ARHGEF10: variants seen among roughly 807,000 people sequenced by gnomAD.
ARHGEF10 encodes the protein Rho guanine nucleotide exchange factor (GEF) 10.
ARHGEF10 carries 140 observed loss-of-function variants against 147.4 expected under a neutral mutation model. That is an observed-to-expected ratio of 0.95 (90% CI 0.83 to 1.09). ARHGEF10 has a LOEUF of 1.09. Among genes scored for constraint, ARHGEF10 ranks in the 50% least tolerant of loss-of-function variants. The pLI is 0.00. For missense variants in ARHGEF10, 2,222 were observed against 1,752.7 expected (o/e 1.27, Z -4.78); for synonymous variants, 902 against 695.8 (o/e 1.30, Z -4.67).
At chr8:1,902,121 G>GT (rs1810513569) in intron 15 of ARHGEF10, among the ~76,000 whole-genome samples, 1 of 152,086 alleles carries the variant, frequency 6.6e-6, no homozygotes, top group Admixed American at 6.5e-5. Flanking sequence ...CGTGCATTAG[G>GT]TATTTGTCTT....
Position 1,888,615 on chromosome 8 carries a change from GTT to G in ARHGEF10, c.1182+2910_1182+2911del, listed in dbSNP as rs67046767. 3.4e-5 allele frequency among the ~76,000 whole-genome samples: 4 copies of G among 119,290 alleles called. 1 individual carries two copies. The highest frequency in any genetic ancestry group is 1.1e-4 in the African/African-American group (3 of 27,228). 78.3% of individuals were successfully genotyped at this position (119,290 alleles called of 152,430 possible). A position where few individuals can be genotyped will look rare whatever the true frequency, so the allele number is the denominator to read the frequency against. On this transcript the variant is annotated intron_variant, in intron 11 of 28. Transcript: ENST00000349830. ...GTGAGGTGTCACTGAGTGTGGTGAG[GTT>G]TGTGAGGAAACACAGAGTGTGGTAA...
chr8:1,952,296 A>T (rs1280369326), intron 27 of ARHGEF10, among the ~76,000 whole-genome samples: 2 of 152,180 alleles, frequency 1.3e-5, no homozygotes, highest in Non-Finnish European at 2.9e-5. Context: ...TCACTTGTAA[A>T]GGGGTCTCTC....
chr8:1,880,290 C>T (rs983932221), intron 9 of ARHGEF10, 126 bp downstream of exon 9: 3 of 709,846 alleles, frequency 4.2e-6, no homozygotes, highest in Admixed American at 2.0e-5. Flanking sequence ...CTCCTGGAAT[C>T]CCCCGACGCT....
At chr8:1,858,793 T>A (rs1805815945) in intron 3 of ARHGEF10, 1 of 163,642 alleles carries the variant, frequency 6.1e-6, no homozygotes, top group African/African-American at 2.4e-5. Context: ...AGCGTTCCTC[T>A]TGGCTCGCAC....
chr8:1,929,550 C>G, intron 25 of ARHGEF10, 107 bp downstream of exon 25: 1 of 1,367,438 alleles, frequency 7.3e-7, no homozygotes, highest in Non-Finnish European at 9.9e-7. Context: ...CCTCCCGCCC[C>G]TGTGCCTCCG....
At chr8:1,936,590 C>A (rs745374363) in intron 26 of ARHGEF10, among the ~76,000 whole-genome samples, 1 of 152,154 alleles carries the variant, frequency 6.6e-6, no homozygotes, top group Non-Finnish European at 1.5e-5. Context: ...AATTTCATCT[C>A]TTTGAAGCCT....
intron 5 of ARHGEF10, 78 bp from the exon 6 acceptor site, chr8:1,866,447 AC>A: frequency 9.5e-7 from 1 of 1,054,822 alleles, no homozygotes; most frequent in South Asian, 1.3e-5. Context: ...ACACACACAC[AC>A]ACTCTGCAGG....
chr8:1,839,817 G>GTA (rs1220040127), intron 1 of ARHGEF10, among the ~76,000 whole-genome samples: 1 of 123,434 alleles, frequency 8.1e-6, no homozygotes, highest in Non-Finnish European at 1.6e-5. Context: ...TTGTGTGGAA[G>GTA]CTGTCTGGTG....
intron 18 of ARHGEF10, among the ~76,000 whole-genome samples, chr8:1,920,844 G>T (rs1447398969): frequency 6.7e-6 from 1 of 150,048 alleles, no homozygotes; most frequent in Non-Finnish European, 1.5e-5. Flanking sequence ...GAGTGCAATG[G>T]CATGATCTTG....
chr8:1,944,124 C>G (rs796372183), intron 26 of ARHGEF10, among the ~76,000 whole-genome samples: 2 of 74,046 alleles, frequency 2.7e-5, no homozygotes, highest in African/African-American at 3.9e-5. Flanking sequence ...TCGCCTCCCC[C>G]AGGATCCCAG....
Position 1,854,361 on chromosome 8 carries a change from C to A in ARHGEF10, c.38-3599C>A, listed in dbSNP as rs532027125. 1.6e-4 allele frequency among the ~76,000 whole-genome samples: 25 copies of A among 152,386 alleles called. 1 individual carries two copies. The East Asian group carries it at 4.4e-3, about 27-fold the overall frequency. ...GTGGGCACAGCTGTGGGCACCCATG[C>A]AGGCAGGGGTGCAGCCTCAGGTGGT... On this transcript the variant is annotated intron_variant, in intron 2 of 28. Transcript: ENST00000349830.
intron 7 of ARHGEF10, among the ~76,000 whole-genome samples, chr8:1,873,679 C>CCTCA (rs1807372242): frequency 6.9e-6 from 1 of 144,208 alleles, no homozygotes; most frequent in Non-Finnish European, 1.5e-5. Context: ...ACCCGCATTT[C>CCTCA]CTCGTTTCAT....
chr8:1,902,149 C>A (rs1054280672), intron 15 of ARHGEF10, among the ~76,000 whole-genome samples: 1 of 152,090 alleles, frequency 6.6e-6, no homozygotes. Context: ...TCCCTCCCCT[C>A]ACCCCCCGCC....
chr8:1,843,642 G>A (rs867515801), intron 2 of ARHGEF10, among the ~76,000 whole-genome samples: 3 of 152,228 alleles, frequency 2.0e-5, no homozygotes, highest in African/African-American at 4.8e-5. Flanking sequence ...AGCCTCTTGC[G>A]TTCCTCACAG....
chr8:1,859,393 C>G (rs1805897429), intron 3 of ARHGEF10, among the ~76,000 whole-genome samples: 2 of 141,468 alleles, frequency 1.4e-5, no homozygotes, highest in Admixed American at 1.4e-4. Context: ...TAGCACCTGC[C>G]TCTCGGTTGT....
chr8:1,835,781 C>T (rs949594774), intron 1 of ARHGEF10, among the ~76,000 whole-genome samples: 1 of 152,192 alleles, frequency 6.6e-6, no homozygotes, highest in Non-Finnish European at 1.5e-5. Flanking sequence ...TGTGTAAACA[C>T]TTATAGAAGG....
At chr8:1,946,483 G>A (rs1814603073) in intron 27 of ARHGEF10, among the ~76,000 whole-genome samples, 1 of 152,198 alleles carries the variant, frequency 6.6e-6, no homozygotes, top group Non-Finnish European at 1.5e-5. Context: ...TTCCTGCTTT[G>A]CAGTTGGTGC....
chr8:1,912,909 C>G (rs557447856), intron 18 of ARHGEF10, among the ~76,000 whole-genome samples: 4 of 152,192 alleles, frequency 2.6e-5, no homozygotes, highest in South Asian at 4.1e-4. Flanking sequence ...GTCAGTTGCT[C>G]TGGCCTGGTG....
intron 2 of ARHGEF10, among the ~76,000 whole-genome samples, chr8:1,853,006 G>T (rs186453388): frequency 2.4e-4 from 37 of 152,362 alleles, no homozygotes; most frequent in African/African-American, 7.9e-4. Context: ...GCAGGCCAGA[G>T]GAGAGGGGCA....
Sources: allele counts gnomAD v4.1 joint callset (sites outside exome capture counted in the v4.1 genomes callset), GRCh38; gene constraint gnomAD v4.1.1; transcripts MANE v1.5; gene names NCBI Gene and HGNC (gene_info 2026-07-23, HGNC 2026-07-21).